The following SLIT3 variants were observed in gnomAD, a reference collection of about 807,000 sequenced individuals.
SLIT3 encodes slit homolog 3 protein.
A neutral mutation model predicts 184.0 loss-of-function variants in SLIT3; 68 were observed. The ratio of observed to expected loss-of-function variants is 0.37; its 90% CI spans 0.30 to 0.45. The LOEUF (loss-of-function observed/expected upper bound fraction) is 0.45. Among genes scored for constraint, SLIT3 ranks in the 20% least tolerant of loss-of-function variants. The pLI is 1.00. For synonymous variants in SLIT3, 831 were observed against 828.6 expected (o/e 1.00, Z -0.05); for missense variants, 1,707 against 2,026.0 (o/e 0.84, Z 3.02).
chr5:168,943,581 T>C (rs1762386459), intron 4 of SLIT3, among the ~76,000 whole-genome samples: 1 of 152,220 alleles, frequency 6.6e-6, no homozygotes, highest in African/African-American at 2.4e-5. Context: ...GTAAAATCAG[T>C]ATAATAATGC....
intron 4 of SLIT3, among the ~76,000 whole-genome samples, chr5:169,108,017 T>A (rs902046177): frequency 6.6e-6 from 1 of 152,190 alleles, no homozygotes; most frequent in Admixed American, 6.5e-5. Flanking sequence ...CCCTTAGACA[T>A]GTAATGCTTC....
intron 3 of SLIT3, among the ~76,000 whole-genome samples, chr5:169,223,928 A>G (rs1029323321): frequency 1.3e-5 from 2 of 152,138 alleles, no homozygotes; most frequent in Non-Finnish European, 1.5e-5. Context: ...TGGGTCCTTC[A>G]CCTTTGTTTC....
intron 4 of SLIT3, among the ~76,000 whole-genome samples, chr5:168,914,969 A>C (rs1761385873): frequency 6.6e-6 from 1 of 152,232 alleles, no homozygotes; most frequent in African/African-American, 2.4e-5. Context: ...AAACATTTTA[A>C]AAATTCTATT....
chr5:169,300,502 G>A lies in SLIT3; in HGVS notation c.197+11C>T. On this transcript the variant is annotated intron_variant, in intron 1 of 35. Coordinates refer to ENST00000519560, the MANE Select transcript of SLIT3 (RefSeq NM_003062.4). This position sits in a 1 kb window ranked among gnomAD's most constrained non-coding sequence, Gnocchi z 4.1. Reference sequence around the variant, plus strand: ...TGGGTGGCCCGCGTGGGGTGGGGCAGGGGTACTCACAGGCGCTCAGCGTTG... The same window carrying A: ...TGGGTGGCCCGCGTGGGGTGGGGCAAGGGTACTCACAGGCGCTCAGCGTTG... The A allele has an allele frequency of 6.7e-7, 1 of 1,489,194 alleles. No homozygotes were observed. The highest frequency in any genetic ancestry group is 8.9e-7 in the Non-Finnish European group (1 of 1,122,092). The allele number at this position is 1,489,194 out of a possible 1,614,324, so 92.2% of individuals were successfully genotyped here. A position where few individuals can be genotyped will look rare whatever the true frequency, so the allele number is the denominator to read the frequency against.
At position 169,300,917 on chromosome 5, in the gene SLIT3, G is replaced by A; in HGVS notation, c.-208C>T. 3.9e-6 allele frequency: 1 copy of A among 256,908 alleles called. No homozygotes were observed. The highest frequency in any genetic ancestry group is 7.1e-6 in the Non-Finnish European group (1 of 140,324). The allele number at this position is 256,908 out of a possible 1,614,324, so 15.9% of individuals were successfully genotyped here. On this transcript the variant is annotated 5_prime_UTR_variant, in exon 1 of 36. Coordinates refer to ENST00000519560, the MANE Select transcript of SLIT3 (RefSeq NM_003062.4). This position sits in a 1 kb window ranked among gnomAD's most constrained non-coding sequence, Gnocchi z 4.1. ...CGGCGGCAGCAACAGCAGCTCCATCGGCGGGGCCGGCGCTGCCCCGCTGCG... is the reference window on the plus strand; with the variant it reads ...CGGCGGCAGCAACAGCAGCTCCATCAGCGGGGCCGGCGCTGCCCCGCTGCG...
At chr5:168,678,746 A>T (rs1041417502) in intron 32 of SLIT3, among the ~76,000 whole-genome samples, 17 of 152,142 alleles carry the variant, frequency 1.1e-4, no homozygotes, top group Non-Finnish European at 1.6e-4. Context: ...AAATAATGGG[A>T]AAATGGCTCT....
chr5:168,915,421 C>T (rs1175738416), intron 4 of SLIT3, among the ~76,000 whole-genome samples: 1 of 152,050 alleles, frequency 6.6e-6, no homozygotes, highest in Non-Finnish European at 1.5e-5. Flanking sequence ...AACAGTGAAC[C>T]AATCGAGAGG....
chr5:168,849,671 G>T (rs1758602237), intron 5 of SLIT3, among the ~76,000 whole-genome samples: 1 of 152,116 alleles, frequency 6.6e-6, no homozygotes, highest in South Asian at 2.1e-4. Context: ...GCCACCTCTG[G>T]TTTTCACAGC....
intron 4 of SLIT3, among the ~76,000 whole-genome samples, chr5:168,989,525 C>T (rs928666053): frequency 2.6e-5 from 4 of 152,162 alleles, no homozygotes; most frequent in African/African-American, 7.2e-5. Flanking sequence ...GTGACAAGTT[C>T]CAGCTAACAT....
chr5:169,007,320 T>TA (rs1287952805), intron 4 of SLIT3, among the ~76,000 whole-genome samples: 4 of 152,222 alleles, frequency 2.6e-5, no homozygotes, highest in Non-Finnish European at 5.9e-5. Context: ...ACAACCTGTA[T>TA]ACTGCCAAGT....
chr5:169,168,178 G>C (rs768049983), intron 4 of SLIT3, among the ~76,000 whole-genome samples: 5 of 152,130 alleles, frequency 3.3e-5, no homozygotes, highest in African/African-American at 4.8e-5. Context: ...CTCTAAGCAC[G>C]GGTCAGCCCC....
chr5:168,709,245 G>T (rs1301559828), intron 25 of SLIT3, among the ~76,000 whole-genome samples: 1 of 151,914 alleles, frequency 6.6e-6, no homozygotes, highest in Non-Finnish European at 1.5e-5. Context: ...ACAAGCATGC[G>T]CCACCACACC....
chr5:168,816,558 G>A (rs1220045888), intron 8 of SLIT3, among the ~76,000 whole-genome samples: 1 of 152,182 alleles, frequency 6.6e-6, no homozygotes, highest in Non-Finnish European at 1.5e-5. Flanking sequence ...CATCCCCAGA[G>A]ATCTGAGCTG....
intron 4 of SLIT3, among the ~76,000 whole-genome samples, chr5:169,068,948 G>A (rs1049992757): frequency 6.6e-6 from 1 of 152,056 alleles, no homozygotes; most frequent in African/African-American, 2.4e-5. Flanking sequence ...ATATTTATTG[G>A]GTGTTTCTTT....
At chr5:169,166,558 T>C (rs1259548837) in intron 4 of SLIT3, among the ~76,000 whole-genome samples, 1 of 151,944 alleles carries the variant, frequency 6.6e-6, no homozygotes, top group African/African-American at 2.4e-5. Flanking sequence ...CTGTTTGTGG[T>C]TAGGTAAATT....
chr5:168,748,417 AG>A lies in SLIT3; in HGVS notation c.2154del (p.Cys719AlafsTer3). 6.6e-7 allele frequency: 1 copy of A among 1,525,108 alleles called. No homozygotes were observed. Among genetic ancestry groups the A allele is most frequent in the Non-Finnish European group, 8.7e-7 (1 of 1,148,130 alleles). The allele number at this position is 1,525,108 out of a possible 1,614,324, so 94.5% of individuals were successfully genotyped here. A position where few individuals can be genotyped will look rare whatever the true frequency, so the allele number is the denominator to read the frequency against. ...DFTCDGNEES[S>X]CQLSPRCPEQ... ...TCCGGGCAGCGCGGGCTCAGCTGGC[AG>A]CTACTCTCCTCGTTGCCTGTGGAGA... is the stretch of plus-strand genomic sequence containing the variant. On this transcript the variant is annotated frameshift_variant, in exon 20 of 36. Coordinates refer to ENST00000519560, the MANE Select transcript of SLIT3 (RefSeq NM_003062.4). LOFTEE classifies it high-confidence loss of function.
At chr5:169,179,589 C>T (rs748919093) in intron 4 of SLIT3, among the ~76,000 whole-genome samples, 2 of 152,088 alleles carry the variant, frequency 1.3e-5, no homozygotes, top group African/African-American at 2.4e-5. Flanking sequence ...CTGTTTCTTT[C>T]TCTTTGGTGG....
intron 4 of SLIT3, among the ~76,000 whole-genome samples, chr5:169,167,908 A>T (rs1762693502): frequency 6.6e-6 from 1 of 152,066 alleles, no homozygotes; most frequent in Non-Finnish European, 1.5e-5. Context: ...ACTTCTCCAT[A>T]ATTTGCCCCA....
chr5:169,290,767 T>C lies in SLIT3; in HGVS notation c.197+9746A>G, dbSNP rs190785872. Among the ~76,000 whole-genome samples, 171 of 142,638 alleles carry C rather than the reference T, an allele frequency of 1.2e-3. 1 individual carries two copies. The highest frequency in any genetic ancestry group is 4.4e-3 in the African/African-American group (166 of 37,860). The allele number at this position is 142,638 out of a possible 152,430, so 93.6% of individuals were successfully genotyped here. On this transcript the variant is annotated intron_variant, in intron 1 of 35. Coordinates refer to ENST00000519560, the MANE Select transcript of SLIT3 (RefSeq NM_003062.4). ...ACACTAGGGCATACACTGGGGCACA[T>C]GCTATGGCAACCACTAGGGCACACG...
Sources: allele counts gnomAD v4.1 joint callset (sites outside exome capture counted in the v4.1 genomes callset), GRCh38; gene constraint gnomAD v4.1.1; non-coding constraint Gnocchi (gnomAD v3.1); transcripts MANE v1.5; gene names NCBI Gene and HGNC (gene_info 2026-07-23, HGNC 2026-07-21).